Variants in MACROD2 observed in about 807,000 individuals in gnomAD.
MACROD2 encodes the protein mono-ADP ribosylhydrolase 2, also known as ADP-ribose glycohydrolase MACROD2.
Under a neutral mutation model 70.4 loss-of-function variants are expected in MACROD2, and 36 were observed. That is an observed-to-expected ratio of 0.51 (90% CI 0.39 to 0.68). The LOEUF (loss-of-function observed/expected upper bound fraction) is 0.68. Among genes scored for constraint, MACROD2 ranks in the 30% least tolerant of loss-of-function variants. The pLI, the probability that MACROD2 is intolerant of heterozygous loss-of-function variation, is 0.00. For missense variants in MACROD2, 496 were observed against 538.4 expected, an observed-to-expected ratio of 0.92 and a Z score of 0.78; for synonymous variants, 172 against 178.8, an observed-to-expected ratio of 0.96 and a Z score of 0.30.
intron 4 of MACROD2, among the ~76,000 whole-genome samples, chr20:14,624,442 G>A (rs554685458): frequency 8.1e-4 from 123 of 152,290 alleles, no homozygotes; most frequent in African/African-American, 2.9e-3. Context: ...AGTGAAATCA[G>A]CCCTGCCACT....
intron 8 of MACROD2, among the ~76,000 whole-genome samples, chr20:15,721,961 T>C (rs2050793380): frequency 6.6e-6 from 1 of 152,198 alleles, no homozygotes; most frequent in Non-Finnish European, 1.5e-5. Context: ...TTATTGTTTT[T>C]GAATCTTATA....
intron 5 of MACROD2, among the ~76,000 whole-genome samples, chr20:14,879,875 G>C (rs1346047466): frequency 6.6e-6 from 1 of 152,160 alleles, no homozygotes; most frequent in Non-Finnish European, 1.5e-5. Context: ...AATGGACAGA[G>C]GTTGTTGAAA....
At chr20:14,175,547 C>T (rs1182619788) in intron 3 of MACROD2, among the ~76,000 whole-genome samples, 1 of 152,136 alleles carries the variant, frequency 6.6e-6, no homozygotes, top group South Asian at 2.1e-4. Context: ...TACTCCATTG[C>T]CCCTCATGTG....
intron 4 of MACROD2, among the ~76,000 whole-genome samples, chr20:14,630,146 C>T (rs1242273076): frequency 6.6e-6 from 1 of 152,300 alleles, no homozygotes; most frequent in East Asian, 1.9e-4. Flanking sequence ...CACAGTTTGG[C>T]TTTTGAGCCA....
intron 8 of MACROD2, among the ~76,000 whole-genome samples, chr20:15,828,598 G>A (rs748779099): frequency 3.9e-5 from 6 of 152,124 alleles, no homozygotes; most frequent in Admixed American, 6.5e-5. Context: ...ACATGCAAAA[G>A]CTAAAATATT....
At chr20:16,025,183 AAGAGGTTAAATGT>A (rs764573766) in intron 15 of MACROD2, among the ~76,000 whole-genome samples, 2 of 152,196 alleles carry the variant, frequency 1.3e-5, no homozygotes, top group Non-Finnish European at 2.9e-5. Flanking sequence ...CTCCTGGAAC[AAGAGGTTAAATGT>A]CAGTAGCTAA....
rs189579649 is a variant in MACROD2, at chr20:14,497,892, C to T, written c.301+4384C>T. On this transcript the variant is annotated intron_variant, in intron 4 of 17. Transcript: ENST00000684519. ...CAAGTGCTGTTATCTATGCAGTCAGCCCCAGCTGCAATGCATGCAAAGCCA... is the reference window on the plus strand; with the variant it reads ...CAAGTGCTGTTATCTATGCAGTCAGTCCCAGCTGCAATGCATGCAAAGCCA... Among the ~76,000 whole-genome samples, 236 of 151,868 alleles carry T rather than the reference C, an allele frequency of 1.6e-3. 14 individuals are homozygous for T. Among genetic ancestry groups the T allele is most frequent in the African/African-American group, 5.5e-3 (226 of 41,156 alleles).
intron 6 of MACROD2, among the ~76,000 whole-genome samples, chr20:15,352,499 T>A (rs1215322408): frequency 6.6e-6 from 1 of 152,174 alleles, no homozygotes; most frequent in African/African-American, 2.4e-5. Flanking sequence ...TTCTTTTTTC[T>A]TAAGTGAAAA....
chr20:14,608,139 C>A (rs1473886705), intron 4 of MACROD2, among the ~76,000 whole-genome samples: 1 of 152,022 alleles, frequency 6.6e-6, no homozygotes, highest in Non-Finnish European at 1.5e-5. Context: ...ACCTCTAATC[C>A]TAGCTACTTG....
chr20:15,529,666 G>C (rs188500733), intron 8 of MACROD2, among the ~76,000 whole-genome samples: 27 of 152,158 alleles, frequency 1.8e-4, no homozygotes, highest in Admixed American at 8.5e-4. Flanking sequence ...AACTGTAATA[G>C]TTACGTATAT....
chr20:15,998,924 A>T (rs1240615903), intron 15 of MACROD2, among the ~76,000 whole-genome samples: 1 of 151,014 alleles, frequency 6.6e-6, no homozygotes, highest in Non-Finnish European at 1.5e-5. Flanking sequence ...TTTTTTAAAA[A>T]CCTCATTTTT....
intron 8 of MACROD2, among the ~76,000 whole-genome samples, chr20:15,507,625 G>A (rs1363758036): frequency 6.6e-6 from 1 of 151,804 alleles, no homozygotes; most frequent in Non-Finnish European, 1.5e-5. Flanking sequence ...TTGTTCCCAC[G>A]GTTAGAATAA....
intron 5 of MACROD2, among the ~76,000 whole-genome samples, chr20:15,005,207 A>T (rs2075026246): frequency 6.6e-6 from 1 of 152,242 alleles, no homozygotes; most frequent in Non-Finnish European, 1.5e-5. Context: ...ATTTTATGAC[A>T]GGTATTATTG....
At chr20:15,511,591 T>G (rs1263048579) in intron 8 of MACROD2, among the ~76,000 whole-genome samples, 1 of 152,238 alleles carries the variant, frequency 6.6e-6, no homozygotes, top group Non-Finnish European at 1.5e-5. Flanking sequence ...TGTGAAATTT[T>G]CACTTTATGT....
intron 8 of MACROD2, among the ~76,000 whole-genome samples, chr20:15,721,642 A>G (rs2050789042): frequency 6.6e-6 from 1 of 152,332 alleles, no homozygotes; most frequent in Non-Finnish European, 1.5e-5. Context: ...TTTTTATCAC[A>G]AATGAGAATG....
At chr20:14,261,553 G>A (rs757105912) in intron 3 of MACROD2, among the ~76,000 whole-genome samples, 11 of 152,072 alleles carry the variant, frequency 7.2e-5, no homozygotes, top group African/African-American at 1.9e-4. Context: ...GTATGTGTGC[G>A]GGTGTGTGTA....
chr20:14,436,448 G>T (rs1235486014), intron 3 of MACROD2, among the ~76,000 whole-genome samples: 1 of 152,062 alleles, frequency 6.6e-6, no homozygotes, highest in Non-Finnish European at 1.5e-5. Flanking sequence ...TTCTTTGCTG[G>T]CTGTAAATTA....
At chr20:14,934,687 T>G (rs779546276) in intron 5 of MACROD2, among the ~76,000 whole-genome samples, 6 of 152,112 alleles carry the variant, frequency 3.9e-5, no homozygotes, top group Non-Finnish European at 7.4e-5. Flanking sequence ...CTCAGGAGGC[T>G]GAGGCAGGTG....
Position 14,751,825 on chromosome 20 carries a change from CAA to C in MACROD2, c.418+66868_418+66869del, listed in dbSNP as rs1220641587. On this transcript the variant is annotated intron_variant, in intron 5 of 17. Coordinates refer to ENST00000684519, the MANE Select transcript of MACROD2 (RefSeq NM_001351661.2). ...CCACTGATTTTTGTGGGTGAAACTG[CAA>C]AGTCACACAGTAAAGAATGTGGATA... Among the ~76,000 whole-genome samples, 6 of 123,324 alleles carry C rather than the reference CAA, an allele frequency of 4.9e-5. No individual in the cohort carries two copies. The East Asian group carries it at 1.1e-3, about 22-fold the overall frequency. The allele number at this position is 123,324 out of a possible 152,430, so 80.9% of individuals were successfully genotyped here. A position where few individuals can be genotyped will look rare whatever the true frequency, so the allele number is the denominator to read the frequency against.
Sources: allele counts gnomAD v4.1 joint callset (sites outside exome capture counted in the v4.1 genomes callset), GRCh38; gene constraint gnomAD v4.1.1; transcripts MANE v1.5; gene names NCBI Gene and HGNC (gene_info 2026-07-23, HGNC 2026-07-21).